The following CTSZ variants were observed in gnomAD, a reference collection of about 807,000 sequenced individuals.
CTSZ encodes carboxypeptidase LB.
In CTSZ, 39 loss-of-function variants were observed where a neutral mutation model predicts 32.4. The observed-to-expected ratio is 1.20, with a 90% confidence interval of 0.93 to 1.57. CTSZ has a LOEUF of 1.57. CTSZ is among the 40% of genes most tolerant of loss of function. The probability of loss-of-function intolerance (pLI) is 0.00; values close to 1 mark genes in which losing one functional copy is unlikely to be tolerated. For synonymous variants in CTSZ, 168 were observed against 170.1 expected (o/e 0.99, Z 0.10); for missense variants, 397 against 419.6 (o/e 0.95, Z 0.47).
At position 59,007,243 on chromosome 20, in the gene CTSZ, A is replaced by T; in HGVS notation, c.-115T>A. ...TCGGCCTCGGCCCAGCACCCGGCCG[A>T]CCCCGCACTTTGGGCCCCTGCCCCG... is the stretch of plus-strand genomic sequence containing the variant. On this transcript the variant is annotated 5_prime_UTR_variant, in exon 1 of 6. Coordinates refer to ENST00000217131, the MANE Select transcript of CTSZ (RefSeq NM_001336.4). 9.1e-7 allele frequency: 1 copy of T among 1,099,018 alleles called. No individual in the cohort carries two copies. The highest frequency in any genetic ancestry group is 1.1e-6 in the Non-Finnish European group (1 of 870,010). The allele number at this position is 1,099,018 out of a possible 1,614,324, so 68.1% of individuals were successfully genotyped here. A position where few individuals can be genotyped will look rare whatever the true frequency, so the allele number is the denominator to read the frequency against.
intron 3 of CTSZ, among the ~76,000 whole-genome samples, chr20:58,999,545 G>C (rs1349496411): frequency 8.7e-6 from 1 of 115,152 alleles, no homozygotes; most frequent in Non-Finnish European, 1.9e-5. Context: ...GACTCACTCA[G>C]CCAGTCCAGG....
chr20:59,000,871 C>T (rs571026888), intron 3 of CTSZ, among the ~76,000 whole-genome samples: 1 of 150,462 alleles, frequency 6.6e-6, no homozygotes, highest in South Asian at 2.1e-4. Context: ...GCTCTGTCAC[C>T]CAGGCTAGAG....
At position 59,004,645 on chromosome 20, in the gene CTSZ, G is replaced by C. The variant is rs779953127; in HGVS notation, c.307+1677C>G. On this transcript the variant is annotated intron_variant, in intron 2 of 5. Transcript: ENST00000217131. This position sits in a 1 kb window ranked among gnomAD's most constrained non-coding sequence, Gnocchi z 5.6. ...TGGGAAGGGACGGGCTCAGTGAGGG[G>C]ACAAGACAGTTGATCCTGGGGGAGA... is the stretch of plus-strand genomic sequence containing the variant. Among the ~76,000 whole-genome samples, 5 of 152,088 alleles carry C rather than the reference G, an allele frequency of 3.3e-5. No individual in the cohort carries two copies. Among genetic ancestry groups the C allele is most frequent in the African/African-American group, 7.2e-5 (3 of 41,412 alleles).
Position 58,997,612 on chromosome 20 carries a change from C to T in CTSZ, c.629G>A (p.Gly210Asp). ...CGGGACCTCTCCTCACCTGATGGGA[C>T]CATTTGCATAGATTTCTGCCATCAT... ...EKMMAEIYAN[G>D]PISCGIMATE... The change falls in exon 4 of 6, where the codon GGT becomes GAT. Residue 210 changes from glycine (G) to aspartate (D), a missense_variant. Transcript: ENST00000217131. 2 of 1,595,824 alleles carry T rather than the reference C, an allele frequency of 1.3e-6. No individual in the cohort carries two copies. Among genetic ancestry groups the T allele is most frequent in the Non-Finnish European group, 1.7e-6 (2 of 1,170,424 alleles).
intron 2 of CTSZ, chr20:59,005,893 A>G (rs978825020): frequency 2.5e-5 from 4 of 161,186 alleles, no homozygotes. Context: ...GGTAGTGACC[A>G]GGTTAGGCCA....
intron 3 of CTSZ, 50 bp downstream of exon 3, chr20:59,001,415 G>A (rs1226035560): frequency 6.4e-7 from 1 of 1,556,188 alleles, no homozygotes; most frequent in South Asian, 1.2e-5. Flanking sequence ...GCCTGTGGAA[G>A]AGGGAGTGGA....
intron 3 of CTSZ, among the ~76,000 whole-genome samples, chr20:59,000,310 G>A (rs576472607): frequency 1.3e-4 from 20 of 152,348 alleles, no homozygotes; most frequent in South Asian, 8.3e-4. Flanking sequence ...CCCGGGAGGC[G>A]GAGGTTGCAG....
intron 2 of CTSZ, chr20:59,006,121 C>T: frequency 1.6e-6 from 1 of 622,040 alleles, no homozygotes; most frequent in Non-Finnish European, 2.7e-6. Flanking sequence ...TCCTGCCTGT[C>T]ACCCAAAAGC....
In CTSZ at chr20:59,007,021, A is replaced by G; in HGVS notation, c.108T>C (p.Pro36=). Residue 36 remains proline, a synonymous_variant, in exon 1 of 6, where the codon CCT becomes CCC. Transcript: ENST00000217131. ...GCGGAGCCAGCCCGTCCCCCCGCAGAGGCCGGTAGCAGGTCTGTCCCCGGC... is the reference window on the plus strand; with the variant it reads ...GCGGAGCCAGCCCGTCCCCCCGCAGGGGCCGGTAGCAGGTCTGTCCCCGGC... ...YFRRGQTCYR[P]LRGDGLAPLG... 3 of 1,473,132 alleles carry G rather than the reference A, an allele frequency of 2.0e-6. No homozygotes were observed. The highest frequency in any genetic ancestry group is 2.7e-6 in the Non-Finnish European group (3 of 1,119,464). The allele number at this position is 1,473,132 out of a possible 1,614,324, so 91.3% of individuals were successfully genotyped here.
rs187897791 is a variant in CTSZ, at chr20:59,002,963, A to G, written c.308-1319T>C. On this transcript the variant is annotated intron_variant, in intron 2 of 5. Transcript: ENST00000217131. This position sits in a 1 kb window ranked among gnomAD's most constrained non-coding sequence, Gnocchi z 4.1. ...AAGCCCCCGGCCCCTCCCACTCACT[A>G]TCACGGTTTTCTGCTTCACTCAATG... 1.2e-3 allele frequency among the ~76,000 whole-genome samples: 182 copies of G among 151,916 alleles called. 1 individual carries two copies. In the Middle Eastern group the frequency reaches 0.02, roughly 17 times the overall value.
rs2091913100 is a variant in CTSZ at position 59,007,212 on chromosome 20, C to CGGCCT, written c.-85_-84insAGGCC. ...GCCGGCTCCCGCTCTGGATCCCGCC[C>CGGCCT]CGGCCTCGGCCTCGGCCCAGCACCC... On this transcript the variant is annotated 5_prime_UTR_variant, in exon 1 of 6. Coordinates refer to ENST00000217131, the MANE Select transcript of CTSZ (RefSeq NM_001336.4). 8.9e-7 allele frequency: 1 copy of CGGCCT among 1,122,174 alleles called. No homozygotes were observed. The highest frequency in any genetic ancestry group is 3.0e-5 in the South Asian group (1 of 33,734). 69.5% of individuals were successfully genotyped at this position (1,122,174 alleles called of 1,614,324 possible).
intron 4 of CTSZ, 113 bp from the exon 5 acceptor site, chr20:58,996,914 T>G (rs1251992474): frequency 3.3e-6 from 4 of 1,220,714 alleles, no homozygotes; most frequent in Non-Finnish European, 4.6e-6. Flanking sequence ...TCCAGCACTT[T>G]GGGAGGCCGA....
Position 58,997,837 on chromosome 20 carries a change from T to A in CTSZ, c.488-84A>T, listed in dbSNP as rs182557146. The A allele has an allele frequency of 1.2e-4, 149 of 1,280,332 alleles. No individual in the cohort carries two copies. In the African/African-American group the frequency reaches 2.0e-3, roughly 17 times the overall value. The allele number at this position is 1,280,332 out of a possible 1,614,324, so 79.3% of individuals were successfully genotyped here. ...GAAGCCCGCCAAGCCCACTCTCCAC[T>A]CTCATCATGCAGCCTACCACTCAGC... is the stretch of plus-strand genomic sequence containing the variant. On this transcript the variant is annotated intron_variant, in intron 3 of 5. Coordinates refer to ENST00000217131, the MANE Select transcript of CTSZ (RefSeq NM_001336.4).
intron 2 of CTSZ, among the ~76,000 whole-genome samples, chr20:59,005,214 C>CGG: frequency 6.6e-6 from 1 of 152,206 alleles, no homozygotes; most frequent in African/African-American, 2.4e-5. Flanking sequence ...TTCCAGCCCC[C>CGG]GGGGGAGACG....
chr20:59,007,009 G>A lies in CTSZ; in HGVS notation c.120C>T (p.Asp40=). The A allele has an allele frequency of 6.8e-7, 1 of 1,470,558 alleles. No homozygotes were observed. The highest frequency in any genetic ancestry group is 2.4e-5 in the Admixed American group (1 of 41,654). The allele number at this position is 1,470,558 out of a possible 1,614,324, so 91.1% of individuals were successfully genotyped here. The part of the protein sequence containing the change: ...GQTCYRPLRG[D]GLAPLGRSTY... Reference sequence around the variant, plus strand: ...ACCTGCGCCCCAGCGGAGCCAGCCCGTCCCCCCGCAGAGGCCGGTAGCAGG... The same window carrying A: ...ACCTGCGCCCCAGCGGAGCCAGCCCATCCCCCCGCAGAGGCCGGTAGCAGG... The change falls in exon 1 of 6, where the codon GAC becomes GAT. Residue 40 remains aspartate, a synonymous_variant. Coordinates refer to ENST00000217131, the MANE Select transcript of CTSZ (RefSeq NM_001336.4).
At chr20:59,000,388 C>CAAAA (rs556602526) in intron 3 of CTSZ, among the ~76,000 whole-genome samples, 41 of 152,336 alleles carry the variant, frequency 2.7e-4, no homozygotes, top group African/African-American at 9.6e-4. Context: ...CAAAAACAAA[C>CAAAA]AAACAAACAA....
chr20:58,996,033 C>T (rs1304728858), intron 5 of CTSZ, among the ~76,000 whole-genome samples: 1 of 152,176 alleles, frequency 6.6e-6, no homozygotes, highest in Non-Finnish European at 1.5e-5. Flanking sequence ...ACTGGTGCCT[C>T]CTCCAGCTAC....
intron 3 of CTSZ, among the ~76,000 whole-genome samples, chr20:58,999,142 T>C (rs2091876216): frequency 6.6e-6 from 1 of 152,092 alleles, no homozygotes. Context: ...TTCAAGTGAT[T>C]CTCCTGCCTT....
In CTSZ at chr20:59,004,488, C is replaced by T. The variant is rs2091901494; in HGVS notation, c.307+1834G>A. On this transcript the variant is annotated intron_variant, in intron 2 of 5. Transcript: ENST00000217131. The surrounding 1 kb of genome is among the most constrained non-coding windows in gnomAD (Gnocchi z 5.6). ...TGGAGTGGCAGAGGTGGGACTGAGG[C>T]TGGAGTGGGTTCAAGGGTAGAGAAG... Among the ~76,000 whole-genome samples, 1 of 151,932 alleles carries T rather than the reference C, an allele frequency of 6.6e-6. No homozygotes were observed. Among genetic ancestry groups the T allele is most frequent in the Non-Finnish European group, 1.5e-5 (1 of 67,980 alleles).
Sources: allele counts gnomAD v4.1 joint callset (sites outside exome capture counted in the v4.1 genomes callset), GRCh38; gene constraint gnomAD v4.1.1; non-coding constraint Gnocchi (gnomAD v3.1); transcripts MANE v1.5; gene names NCBI Gene and HGNC (gene_info 2026-07-23, HGNC 2026-07-21).